Variants in BRAF observed in about 807,000 individuals in gnomAD.
BRAF encodes the protein B-Raf proto-oncogene, serine/threonine kinase, also known as serine/threonine-protein kinase B-raf.
BRAF carries 16 observed loss-of-function variants against 104.6 expected under a neutral mutation model. That is an observed-to-expected ratio of 0.15 (90% CI 0.10 to 0.23). BRAF has a LOEUF of 0.23. Ranked by LOEUF, BRAF falls within the 10% of genes least tolerant of loss-of-function variation. The pLI is 1.00. For synonymous variants in BRAF, 310 were observed against 341.6 expected (o/e 0.91, Z 1.02); for missense variants, 541 against 937.3 (o/e 0.58, Z 5.52).
At chr7:140,789,764 C>G (rs2051660837) in intron 8 of BRAF, among the ~76,000 whole-genome samples, 2 of 152,152 alleles carry the variant, frequency 1.3e-5, no homozygotes, top group Non-Finnish European at 2.9e-5. Flanking sequence ...AAGTCTTGCT[C>G]TTGTCACCCA....
chr7:140,812,766 G>T (rs1804422510), intron 3 of BRAF, among the ~76,000 whole-genome samples: 1 of 152,142 alleles, frequency 6.6e-6, no homozygotes, highest in African/African-American at 2.4e-5. Context: ...TAAGATAAAG[G>T]CAACATCTGA....
chr7:140,787,511 C>T, intron 9 of BRAF, 37 bp downstream of exon 9: 2 of 1,584,734 alleles, frequency 1.3e-6, no homozygotes, highest in East Asian at 2.2e-5. Flanking sequence ...ATTGCAGTTT[C>T]CTTGAGTTTT....
At chr7:140,882,063 T>G (rs1391841687) in intron 1 of BRAF, among the ~76,000 whole-genome samples, 1 of 152,188 alleles carries the variant, frequency 6.6e-6, no homozygotes, top group Non-Finnish European at 1.5e-5. Context: ...GATGTAAGGC[T>G]GCCACCAACC....
chr7:140,906,723 C>T (rs1816368373), intron 1 of BRAF, among the ~76,000 whole-genome samples: 1 of 152,124 alleles, frequency 6.6e-6, no homozygotes, highest in African/African-American at 2.4e-5. Context: ...TTGCTAATTA[C>T]AGAATTCTAG....
chr7:140,916,919 G>C (rs1205353082), intron 1 of BRAF, among the ~76,000 whole-genome samples: 1 of 152,122 alleles, frequency 6.6e-6, no homozygotes, highest in East Asian at 1.9e-4. Flanking sequence ...TCATAACTAA[G>C]GTAGTGGGGT....
At chr7:140,884,825 C>T (rs1485441829) in intron 1 of BRAF, among the ~76,000 whole-genome samples, 1 of 151,690 alleles carries the variant, frequency 6.6e-6, no homozygotes, top group African/African-American at 2.4e-5. Flanking sequence ...GTATTTACCA[C>T]ATTAAAAATT....
At chr7:140,861,973 T>G (rs922623936) in intron 1 of BRAF, among the ~76,000 whole-genome samples, 4 of 152,138 alleles carry the variant, frequency 2.6e-5, no homozygotes, top group South Asian at 2.1e-4. Flanking sequence ...GTAACTGGGG[T>G]GGCCTTAAGC....
At chr7:140,884,427 A>G (rs1813297811) in intron 1 of BRAF, among the ~76,000 whole-genome samples, 13 of 114,664 alleles carry the variant, frequency 1.1e-4, no homozygotes, top group African/African-American at 3.9e-4. Context: ...TATATATAAG[A>G]TATGTGTGTG....
intron 3 of BRAF, among the ~76,000 whole-genome samples, chr7:140,817,327 C>T (rs117497464): frequency 3.9e-5 from 6 of 152,144 alleles, no homozygotes; most frequent in Non-Finnish European, 7.4e-5. Context: ...ATGGAAAGAC[C>T]GGCCATGTTC....
intron 14 of BRAF, among the ~76,000 whole-genome samples, chr7:140,756,008 T>A (rs1267679470): frequency 3.9e-5 from 6 of 152,108 alleles, no homozygotes; most frequent in Non-Finnish European, 1.5e-5. Context: ...GTGTTCTCCA[T>A]GGGATGGTGT....
chr7:140,750,731 G>T (rs973335688), intron 16 of BRAF, among the ~76,000 whole-genome samples: 1 of 152,108 alleles, frequency 6.6e-6, no homozygotes, highest in African/African-American at 2.4e-5. Context: ...TATGGCAAAG[G>T]TATAATGTTC....
chr7:140,734,273 A>ACT (rs1796200622), intron 19 of BRAF: 2 of 1,224,772 alleles, frequency 1.6e-6, no homozygotes, highest in Non-Finnish European at 2.1e-6. Context: ...AGCTGGCAAC[A>ACT]AAAGTTGCAT....
intron 3 of BRAF, among the ~76,000 whole-genome samples, chr7:140,827,038 T>C (rs1013722868): frequency 1.3e-5 from 2 of 152,296 alleles, no homozygotes; most frequent in East Asian, 1.9e-4. Context: ...ACATTCTGAA[T>C]TGTCTAATTG....
chr7:140,918,680 A>T (rs115625888), intron 1 of BRAF, among the ~76,000 whole-genome samples: 4,311 of 152,332 alleles, frequency 0.028, 209 homozygotes, highest in African/African-American at 0.096. Flanking sequence ...GAAAAAAAGA[A>T]TAGAATGTTA....
At chr7:140,845,276 C>G (rs1312481028) in intron 2 of BRAF, among the ~76,000 whole-genome samples, 1 of 152,052 alleles carries the variant, frequency 6.6e-6, no homozygotes, top group East Asian at 1.9e-4. Flanking sequence ...AATGCAAGAG[C>G]ATTTGGGAGA....
intron 1 of BRAF, among the ~76,000 whole-genome samples, chr7:140,914,329 A>G (rs2129142362): frequency 6.6e-6 from 1 of 152,350 alleles, no homozygotes; most frequent in East Asian, 1.9e-4. Flanking sequence ...CTGAGTTCTC[A>G]TGTATAATGA....
Position 140,834,888 on chromosome 7 carries a change from G to C in BRAF, c.241-16C>G. ...CTTCATAGGCCTATAAAATAAAGCA[G>C]ACTTATATTCAATCCGGACTTTGTC... On this transcript the variant is annotated splice_polypyrimidine_tract_variant and intron_variant, in intron 2 of 19. Transcript: ENST00000644969. The C allele has an allele frequency of 6.2e-7, 1 of 1,613,718 alleles. No individual in the cohort carries two copies. Among genetic ancestry groups the C allele is most frequent in the Non-Finnish European group, 8.5e-7 (1 of 1,179,776 alleles).
chr7:140,834,086 T>C (rs1416529399), intron 3 of BRAF: 4 of 167,006 alleles, frequency 2.4e-5, no homozygotes, highest in East Asian at 1.6e-4. Flanking sequence ...TTAAGGATTA[T>C]AGACCACCCA....
intron 1 of BRAF, among the ~76,000 whole-genome samples, chr7:140,910,354 A>G (rs904213913): frequency 6.6e-6 from 1 of 152,198 alleles, no homozygotes; most frequent in Non-Finnish European, 1.5e-5. Context: ...AGACCTCACT[A>G]GCCCATAACA....
Sources: gnomAD v4.1 joint callset for allele counts (sites outside exome capture counted in the v4.1 genomes callset) on GRCh38, gnomAD v4.1.1 for gene constraint, MANE v1.5 for transcripts, NCBI Gene and HGNC (gene_info 2026-07-23, HGNC 2026-07-21) for gene names.